Variants in JPH2 observed in about 807,000 individuals in gnomAD.
JPH2 encodes junctophilin-2.
Under a neutral mutation model 55.9 loss-of-function variants are expected in JPH2, and 38 were observed. The ratio of observed to expected loss-of-function variants is 0.68; its 90% confidence interval spans 0.52 to 0.89. The LOEUF is 0.89. Ranked by LOEUF, JPH2 falls within the 40% of genes least tolerant of loss-of-function variation. The probability of loss-of-function intolerance (pLI) is 0.00; values close to 1 mark genes in which losing one functional copy is unlikely to be tolerated. For synonymous variants in JPH2, 480 were observed against 472.4 expected, an observed-to-expected ratio of 1.02 and a Z score of -0.21; for missense variants, 964 against 1,037.6, an observed-to-expected ratio of 0.93 and a Z score of 0.97.
chr20:44,186,581 CA>C lies in JPH2; in HGVS notation c.124del (p.Trp42GlyfsTer33). On this transcript the variant is annotated frameshift_variant, in exon 1 of 6. Coordinates refer to ENST00000372980, the MANE Select transcript of JPH2 (RefSeq NM_020433.5). LOFTEE classifies it high-confidence loss of function. Reference sequence around the variant, plus strand: ...ACCTGCCACCTCAAAGCCAAAGTTCCAGGAGCCAGAGTATTCGCCCTGGCCC... The same window carrying C: ...ACCTGCCACCTCAAAGCCAAAGTTCCGGAGCCAGAGTATTCGCCCTGGCCC... ...PKGQGEYSGS[W>X]NFGFEVAGVY... The C allele has an allele frequency of 6.2e-7, 1 of 1,613,788 alleles. No individual in the cohort carries two copies. The highest frequency in any genetic ancestry group is 8.5e-7 in the Non-Finnish European group (1 of 1,179,786).
At chr20:44,144,344 TC>T (rs908980757) in intron 2 of JPH2, among the ~76,000 whole-genome samples, 1 of 151,918 alleles carries the variant, frequency 6.6e-6, no homozygotes, top group African/African-American at 2.4e-5. Context: ...CTGCCCACGG[TC>T]CCTCCTTACC....
In JPH2 at chr20:44,134,295, A is replaced by AT. The variant is rs1412858427; in HGVS notation, c.1170-15673_1170-15672insA. Among the ~76,000 whole-genome samples, 2 of 34,774 alleles carry AT rather than the reference A, an allele frequency of 5.8e-5. 1 individual carries two copies. Among genetic ancestry groups the AT allele is most frequent in the Non-Finnish European group, 9.6e-5 (2 of 20,930 alleles). 22.8% of individuals were successfully genotyped at this position (34,774 alleles called of 152,430 possible). A position where few individuals can be genotyped will look rare whatever the true frequency, so the allele number is the denominator to read the frequency against. On this transcript the variant is annotated intron_variant, in intron 2 of 5. Transcript: ENST00000372980. ...ATATATACATATAAATATTTATTAT[A>AT]AATATAATAAATATTTATTATAAAT...
At chr20:44,165,873 A>G (rs1475560143) in intron 1 of JPH2, among the ~76,000 whole-genome samples, 1 of 152,002 alleles carries the variant, frequency 6.6e-6, no homozygotes, top group African/African-American at 2.4e-5. Flanking sequence ...TGGCCACCCT[A>G]CTTACGATTC....
Position 44,116,420 on chromosome 20 carries a change from C to T in JPH2, c.1289-34G>A, listed in dbSNP as rs116625075. ...GCAACACAGGGAGGCTGGGCTCGAA[C>T]CCCGCACCACTGTTGGGTGATCCTG... On this transcript the variant is annotated intron_variant, in intron 3 of 5. Coordinates refer to ENST00000372980, the MANE Select transcript of JPH2 (RefSeq NM_020433.5). The T allele has an allele frequency of 4.5e-6, 7 of 1,543,554 alleles. No individual in the cohort carries two copies. The African/African-American group carries it at 9.6e-5, about 21-fold the overall frequency.
At chr20:44,151,815 T>C (rs2072532872) in intron 2 of JPH2, among the ~76,000 whole-genome samples, 1 of 152,146 alleles carries the variant, frequency 6.6e-6, no homozygotes, top group South Asian at 2.1e-4. Flanking sequence ...CCCCACCCAT[T>C]CCAGCATTCT....
At chr20:44,177,335 T>A in intron 1 of JPH2, 1 of 987,158 alleles carries the variant, frequency 1.0e-6, no homozygotes, top group Non-Finnish European at 1.2e-6. Flanking sequence ...GGGCAGGGCC[T>A]GCTCCGGGGA....
chr20:44,115,054 A>G (rs527994485), intron 4 of JPH2, among the ~76,000 whole-genome samples, 178 bp from the exon 5 acceptor site: 2 of 151,992 alleles, frequency 1.3e-5, no homozygotes, highest in East Asian at 3.9e-4. Flanking sequence ...AGCTGGAAGG[A>G]CTCTTAGAAA....
At chr20:44,154,993 C>A (rs1487885565) in intron 2 of JPH2, among the ~76,000 whole-genome samples, 2 of 152,012 alleles carry the variant, frequency 1.3e-5, no homozygotes, top group Non-Finnish European at 2.9e-5. Context: ...GTGGGCCTGG[C>A]AGCCTTCTCG....
chr20:44,154,140 C>G (rs369014038), intron 2 of JPH2, among the ~76,000 whole-genome samples: 1 of 152,262 alleles, frequency 6.6e-6, no homozygotes, highest in South Asian at 2.1e-4. Flanking sequence ...TGCTCAGTGA[C>G]AGGGTTGGGA....
intron 2 of JPH2, among the ~76,000 whole-genome samples, chr20:44,135,871 T>C (rs2072409123): frequency 6.6e-6 from 1 of 152,206 alleles, no homozygotes; most frequent in African/African-American, 2.4e-5. Flanking sequence ...TGAGAGTTAG[T>C]CATTGTGATC....
At chr20:44,124,583 G>A (rs895391642) in intron 2 of JPH2, among the ~76,000 whole-genome samples, 10 of 151,974 alleles carry the variant, frequency 6.6e-5, no homozygotes, top group African/African-American at 2.4e-4. Context: ...GAAGGCTGAG[G>A]CAGGAGGATC....
chr20:44,134,666 A>T (rs1350484419), intron 2 of JPH2, among the ~76,000 whole-genome samples: 10,946 of 43,636 alleles, frequency 0.25, 2,776 homozygotes, highest in Admixed American at 0.34. Context: ...AAATATATAT[A>T]AATATATATT....
At chr20:44,183,868 A>G (rs546710153) in intron 1 of JPH2, among the ~76,000 whole-genome samples, 3 of 152,274 alleles carry the variant, frequency 2.0e-5, no homozygotes, top group Admixed American at 2.0e-4. Flanking sequence ...AGAGTCAGGT[A>G]GGGCGGGGTG....
At chr20:44,165,418 G>A (rs752063910) in intron 1 of JPH2, among the ~76,000 whole-genome samples, 1 of 152,092 alleles carries the variant, frequency 6.6e-6, no homozygotes, top group Non-Finnish European at 1.5e-5. Flanking sequence ...TTCGACTAGA[G>A]AGTGGTCTGT....
At chr20:44,133,913 CATT>C (rs1181017860) in intron 2 of JPH2, among the ~76,000 whole-genome samples, 1 of 17,718 alleles carries the variant, frequency 5.6e-5, no homozygotes, top group Non-Finnish European at 1.1e-4. Flanking sequence ...AATAAATATA[CATT>C]ATAATATATA....
intron 2 of JPH2, among the ~76,000 whole-genome samples, chr20:44,150,105 TG>T (rs2072521629): frequency 6.6e-6 from 1 of 152,080 alleles, no homozygotes; most frequent in African/African-American, 2.4e-5. Flanking sequence ...TGAATCCATT[TG>T]AGACAGAATT....
chr20:44,183,546 A>AG (rs1207502331), intron 1 of JPH2, among the ~76,000 whole-genome samples: 2 of 152,344 alleles, frequency 1.3e-5, no homozygotes, highest in East Asian at 3.9e-4. Context: ...CAACATGCCC[A>AG]GGGGCCTCGG....
At chr20:44,133,557 C>T (rs1336138937) in intron 2 of JPH2, among the ~76,000 whole-genome samples, 1 of 152,008 alleles carries the variant, frequency 6.6e-6, no homozygotes, top group Non-Finnish European at 1.5e-5. Context: ...AGCACCTTTG[C>T]TCACTGGCTT....
chr20:44,114,974 T>A (rs960550131), intron 4 of JPH2, 98 bp from the exon 5 acceptor site: 1 of 890,198 alleles, frequency 1.1e-6, no homozygotes, highest in African/African-American at 1.7e-5. Flanking sequence ...AACTTCTGGA[T>A]GGACCTTCCT....
Sources: gnomAD v4.1 joint callset for allele counts (sites outside exome capture counted in the v4.1 genomes callset) on GRCh38, gnomAD v4.1.1 for gene constraint, MANE v1.5 for transcripts, NCBI Gene and HGNC (gene_info 2026-07-23, HGNC 2026-07-21) for gene names.